The following USP48 variants were observed in gnomAD, a reference collection of about 807,000 sequenced individuals.
USP48 encodes the protein ubiquitin specific peptidase 48, also known as ubiquitin carboxyl-terminal hydrolase 48.
USP48 carries 43 observed loss-of-function variants against 150.7 expected under a neutral mutation model. The observed-to-expected ratio is 0.29, with a 90% CI of 0.22 to 0.37. USP48 has a LOEUF of 0.37. Among genes scored for constraint, USP48 ranks in the 10% least tolerant of loss-of-function variants. The probability of loss-of-function intolerance (pLI) is 1.00; values close to 1 mark genes in which losing one functional copy is unlikely to be tolerated. For synonymous variants in USP48, 396 were observed against 425.9 expected (o/e 0.93, Z 0.86); for missense variants, 813 against 1,249.6 (o/e 0.65, Z 5.27).
intron 6 of USP48, among the ~76,000 whole-genome samples, chr1:21,751,062 TAGC>T (rs1363134562): frequency 6.6e-6 from 1 of 152,166 alleles, no homozygotes; most frequent in Non-Finnish European, 1.5e-5. Context: ...GGGTTCCTCT[TAGC>T]AGTTTTCCAC....
At chr1:21,688,370 C>G (rs1378628262) in intron 24 of USP48, among the ~76,000 whole-genome samples, 1 of 151,938 alleles carries the variant, frequency 6.6e-6, no homozygotes, top group Non-Finnish European at 1.5e-5. Context: ...AGGTGCCCAC[C>G]ACCACGCTTG....
intron 11 of USP48, chr1:21,727,824 T>C (rs1262426201): frequency 4.2e-6 from 4 of 953,380 alleles, no homozygotes; most frequent in African/African-American, 3.5e-5. Context: ...AAAATTAAGA[T>C]ATTAAAAAGA....
At chr1:21,683,852 A>G (rs2097573512) in intron 25 of USP48, among the ~76,000 whole-genome samples, 1 of 152,174 alleles carries the variant, frequency 6.6e-6, no homozygotes, top group Non-Finnish European at 1.5e-5. Context: ...CAGCTTTTTT[A>G]GCTCCTACGT....
At chr1:21,699,640 A>G (rs902147673) in intron 22 of USP48, among the ~76,000 whole-genome samples, 2 of 151,368 alleles carry the variant, frequency 1.3e-5, no homozygotes, top group Admixed American at 1.3e-4. Context: ...CAGCCTCCTG[A>G]GTAGCTGGGA....
chr1:21,765,830 C>T (rs186027462), intron 1 of USP48, among the ~76,000 whole-genome samples: 3 of 130,436 alleles, frequency 2.3e-5, no homozygotes, highest in Non-Finnish European at 4.8e-5. Flanking sequence ...TTTGAAACTA[C>T]GAAGCCGAGG....
intron 15 of USP48, among the ~76,000 whole-genome samples, chr1:21,709,604 CTTCT>C (rs947227669): frequency 6.6e-6 from 1 of 150,666 alleles, no homozygotes; most frequent in Non-Finnish European, 1.5e-5. Flanking sequence ...AAAAAGAGAG[CTTCT>C]TTGTGTGTGG....
chr1:21,704,721 GC>G, intron 19 of USP48: 1 of 182,426 alleles, frequency 5.5e-6, no homozygotes. Flanking sequence ...TTATGTGCGT[GC>G]ATTTTTTTTT....
At position 21,695,119 on chromosome 1, in the gene USP48, C is replaced by G. The variant is rs1333962451; in HGVS notation, c.2830G>C (p.Glu944Gln). Reference protein sequence around the residue: ...RSMRHRKVRGEKALLVSANQT... With the variant: ...RSMRHRKVRGQKALLVSANQT... ...TTAGCAGAAACGAGAAGTGCTTTCTCACCACGAACTTTTCTATGTCGCATA... is the reference window on the plus strand; with the variant it reads ...TTAGCAGAAACGAGAAGTGCTTTCTGACCACGAACTTTTCTATGTCGCATA... Residue 944 changes from glutamate (E) to glutamine (Q), a missense_variant, in exon 23 of 27, where the codon GAG becomes CAG. Transcript: ENST00000308271. 1 of 1,613,596 alleles carries G rather than the reference C, an allele frequency of 6.2e-7. No individual in the cohort carries two copies. Among genetic ancestry groups the G allele is most frequent in the Admixed American group, 1.7e-5 (1 of 59,886 alleles).
At chr1:21,690,376 T>C (rs1384695297) in intron 23 of USP48, among the ~76,000 whole-genome samples, 1 of 151,796 alleles carries the variant, frequency 6.6e-6, no homozygotes, top group Non-Finnish European at 1.5e-5. Flanking sequence ...AGGATGGAGG[T>C]GTGGGGAAAT....
intron 21 of USP48, among the ~76,000 whole-genome samples, chr1:21,702,829 A>C (rs1004883642): frequency 1.3e-5 from 2 of 152,242 alleles, no homozygotes; most frequent in Non-Finnish European, 2.9e-5. Flanking sequence ...CACGCTAGCC[A>C]CATCGAATGC....
intron 11 of USP48, chr1:21,724,531 G>T: frequency 5.0e-6 from 1 of 198,790 alleles, no homozygotes. Flanking sequence ...ACATATATGT[G>T]ATATACATCT....
intron 11 of USP48, chr1:21,727,920 TG>T (rs2097743856): frequency 1.1e-5 from 11 of 984,200 alleles, no homozygotes; most frequent in Non-Finnish European, 1.3e-5. Context: ...GAATTAGGCT[TG>T]GGGAATTCAT....
intron 8 of USP48, among the ~76,000 whole-genome samples, chr1:21,745,166 TTC>T (rs1207226885): frequency 6.6e-6 from 1 of 152,222 alleles, no homozygotes; most frequent in Admixed American, 6.5e-5. Flanking sequence ...GTTTTTAGTC[TTC>T]TACCTATATA....
intron 3 of USP48, among the ~76,000 whole-genome samples, chr1:21,756,021 C>T (rs1445715760): frequency 2.0e-5 from 3 of 151,742 alleles, no homozygotes; most frequent in African/African-American, 7.3e-5. Flanking sequence ...CAAAATTAGC[C>T]GGGCGTGGTG....
intron 19 of USP48, 151 bp downstream of exon 19, chr1:21,705,575 CT>C: frequency 1.7e-6 from 1 of 589,144 alleles, no homozygotes; most frequent in Non-Finnish European, 2.9e-6. Flanking sequence ...GTCTTCTTCT[CT>C]TTTAAAAGGG....
In USP48 at chr1:21,782,835, G is replaced by A. The variant is rs1007963474; in HGVS notation, c.123C>T (p.Arg41=). 5.8e-6 allele frequency: 9 copies of A among 1,555,040 alleles called. No homozygotes were observed. The highest frequency in any genetic ancestry group is 2.8e-5 in the African/African-American group (2 of 72,362). ...AYRIWLEPCI[R]GVCRRNCKGN... ...TGCGCGGGCCTCACCTGCACACGCC[G>A]CGAATGCAGGGCTCCAGCCAGATGC... The change falls in exon 1 of 27, where the codon CGC becomes CGT. Residue 41 remains arginine (R), a synonymous_variant. Coordinates refer to ENST00000308271, the MANE Select transcript of USP48 (RefSeq NM_032236.8).
intron 15 of USP48, among the ~76,000 whole-genome samples, chr1:21,712,641 T>G (rs2097693364): frequency 6.6e-6 from 1 of 151,616 alleles, no homozygotes; most frequent in Admixed American, 6.6e-5. Flanking sequence ...TTTTTTTTTT[T>G]TTTTTGAGAC....
Position 21,729,695 on chromosome 1 carries a change from C to CGTT in USP48, c.1300+8_1300+9insAAC. On this transcript the variant is annotated intron_variant, in intron 10 of 26. Coordinates refer to ENST00000308271, the MANE Select transcript of USP48 (RefSeq NM_032236.8). ...ATTTGCCTGCTATAATCCTGGAAAACTGCTTTACCTGGAACTTGAACAGTA... is the reference window on the plus strand; with the variant it reads ...ATTTGCCTGCTATAATCCTGGAAAACGTTTGCTTTACCTGGAACTTGAACAGTA... 1 of 1,612,320 alleles carries CGTT rather than the reference C, an allele frequency of 6.2e-7. No homozygotes were observed. The highest frequency in any genetic ancestry group is 1.1e-5 in the South Asian group (1 of 90,896).
At chr1:21,733,206 A>G (rs1425984055) in intron 9 of USP48, among the ~76,000 whole-genome samples, 2 of 152,140 alleles carry the variant, frequency 1.3e-5, no homozygotes, top group Non-Finnish European at 2.9e-5. Flanking sequence ...ACTTGAGGTC[A>G]GGAGTTTGAA....
Sources: allele counts gnomAD v4.1 joint callset (sites outside exome capture counted in the v4.1 genomes callset), GRCh38; gene constraint gnomAD v4.1.1; transcripts MANE v1.5; gene names NCBI Gene and HGNC (gene_info 2026-07-23, HGNC 2026-07-21).